GSE1: variants seen among roughly 807,000 people sequenced by gnomAD.
GSE1 encodes the protein genetic suppressor element 1.
In GSE1, 32 loss-of-function variants were observed where a neutral mutation model predicts 112.6. That is an observed-to-expected ratio of 0.28 (90% CI 0.21 to 0.38). The LOEUF (loss-of-function observed/expected upper bound fraction) is 0.38, where lower values mean the gene tolerates loss of function less well. GSE1 is among the 10% of genes least tolerant of loss of function. The probability of loss-of-function intolerance (pLI) is 1.00; values close to 1 mark genes in which losing one functional copy is unlikely to be tolerated. For synonymous variants in GSE1, 1,115 were observed against 735.6 expected (o/e 1.52, Z -8.35); for missense variants, 2,348 against 1,699.2 (o/e 1.38, Z -6.71).
chr16:85,338,882 G>A (rs542804209), intron 1 of GSE1, among the ~76,000 whole-genome samples: 9 of 152,330 alleles, frequency 5.9e-5, no homozygotes, highest in East Asian at 3.9e-4. Context: ...CGTTACTCTC[G>A]TGATACTGCT....
At chr16:85,294,610 C>CCTCTCTCTCTCTCTCT (rs1199580682) in intron 1 of GSE1, among the ~76,000 whole-genome samples, 8 of 83,134 alleles carry the variant, frequency 9.6e-5, no homozygotes, top group African/African-American at 4.1e-4. Flanking sequence ...TGCCAGCACG[C>CCTCTCTCTCTCTCTCT]CTCTCACTCT....
intron 2 of GSE1, among the ~76,000 whole-genome samples, chr16:85,513,782 C>T (rs945583574): frequency 6.6e-6 from 1 of 152,168 alleles, no homozygotes; most frequent in Non-Finnish European, 1.5e-5. Context: ...TGGAGCCCCC[C>T]ACCCCCGGTG....
upstream of GSE1, chr16:85,554,924 C>G (rs2045123232): frequency 1.0e-6 from 1 of 985,380 alleles, no homozygotes; most frequent in Non-Finnish European, 1.2e-6. Context: ...ACCCTGCCTT[C>G]GGCAGCGGCA....
intron 1 of GSE1, among the ~76,000 whole-genome samples, chr16:85,292,585 C>T (rs547046061): frequency 6.6e-6 from 1 of 152,144 alleles, no homozygotes; most frequent in African/African-American, 2.4e-5. Context: ...CCTCGGCCCC[C>T]CAAAGTGCTG....
chr16:85,665,975 G>C lies in GSE1; in HGVS notation c.2759-1G>C. 6.2e-7 allele frequency: 1 copy of C among 1,612,948 alleles called. No homozygotes were observed. The highest frequency in any genetic ancestry group is 2.2e-5 in the East Asian group (1 of 44,866). On this transcript the variant is annotated splice_acceptor_variant, in intron 12 of 15. Transcript: ENST00000253458. LOFTEE classifies it high-confidence loss of function. ...ATTTTCCTTCACTTTGTCTCTAAAA[G>C]AACCAGCCACGCAGCAAGCCTCTCT...
At chr16:85,649,553 G>A (rs1055142734) in intron 3 of GSE1, among the ~76,000 whole-genome samples, 6 of 152,160 alleles carry the variant, frequency 3.9e-5, no homozygotes, top group Admixed American at 3.3e-4. Flanking sequence ...CTGCCTGTGT[G>A]GAAGGAGCTG....
At chr16:85,401,293 A>C (rs977336990) in intron 2 of GSE1, among the ~76,000 whole-genome samples, 1 of 139,484 alleles carries the variant, frequency 7.2e-6, no homozygotes, top group African/African-American at 2.7e-5. Flanking sequence ...ATTTATAGAA[A>C]TGGAGCAGAA....
intron 1 of GSE1, among the ~76,000 whole-genome samples, chr16:85,621,080 A>C (rs1470913836): frequency 9.6e-6 from 1 of 103,916 alleles, no homozygotes; most frequent in East Asian, 2.9e-4. Flanking sequence ...TCAGCCCTGG[A>C]TCTCTGCACT....
In GSE1 at chr16:85,408,001, C is replaced by G. The variant is rs1425485531; in HGVS notation, c.2464+50358C>G. ...AATCCTCACTGTTACACTCAGGGCCCCCTGGATAATCCTCACTGTTACACT... is the reference window on the plus strand; with the variant it reads ...AATCCTCACTGTTACACTCAGGGCCGCCTGGATAATCCTCACTGTTACACT... On this transcript the variant is annotated intron_variant, in intron 2 of 2. Transcript: ENST00000637419. Among the ~76,000 whole-genome samples the G allele has an allele frequency of 1.1e-3, 63 of 57,408 alleles. 22 individuals carry two copies. The highest frequency in any genetic ancestry group is 2.1e-3 in the Non-Finnish European group (58 of 27,278). 37.7% of individuals were successfully genotyped at this position (57,408 alleles called of 152,430 possible). A position where few individuals can be genotyped will look rare whatever the true frequency, so the allele number is the denominator to read the frequency against.
chr16:85,345,453 C>T (rs2046714412), intron 1 of GSE1, among the ~76,000 whole-genome samples: 1 of 152,190 alleles, frequency 6.6e-6, no homozygotes, highest in African/African-American at 2.4e-5. Context: ...GCTGCTGCCT[C>T]TGGGCCATTG....
At chr16:85,403,007 AG>A (rs1229605524) in intron 2 of GSE1, among the ~76,000 whole-genome samples, 2 of 151,892 alleles carry the variant, frequency 1.3e-5, no homozygotes, top group Non-Finnish European at 2.9e-5. Flanking sequence ...GATCCAGCTT[AG>A]CCGGGCCTCC....
intron 1 of GSE1, among the ~76,000 whole-genome samples, chr16:85,614,460 C>T (rs1253574088): frequency 6.6e-6 from 1 of 152,186 alleles, no homozygotes; most frequent in Non-Finnish European, 1.5e-5. Flanking sequence ...ACCAGGGGGG[C>T]ACTTAGAAAT....
chr16:85,539,417 G>A (rs575826911), intron 2 of GSE1, among the ~76,000 whole-genome samples: 46 of 152,332 alleles, frequency 3.0e-4, no homozygotes, highest in Non-Finnish European at 5.9e-4. Flanking sequence ...CTTTAGCAGG[G>A]ACAAAAGCTG....
chr16:85,449,329 G>C (rs1442371145), intron 2 of GSE1, among the ~76,000 whole-genome samples: 1 of 152,178 alleles, frequency 6.6e-6, no homozygotes, highest in South Asian at 2.1e-4. Flanking sequence ...GGCCTGGAAG[G>C]GCCCAGAAAA....
chr16:85,434,307 C>G (rs1160582881), intron 2 of GSE1, among the ~76,000 whole-genome samples: 1 of 142,296 alleles, frequency 7.0e-6, no homozygotes, highest in East Asian at 2.1e-4. Flanking sequence ...GGATGGTGGT[C>G]TAATAATAAT....
rs1453354583 is a variant in GSE1, at chr16:85,654,788, C to T, written c.600-6C>T. Reference sequence around the variant, plus strand: ...TCCCCACCTTGCCCACTATCCCCGCCTGCAGCCTCCAGCGGCCCGTGCACC... The same window carrying T: ...TCCCCACCTTGCCCACTATCCCCGCTTGCAGCCTCCAGCGGCCCGTGCACC... On this transcript the variant is annotated splice_polypyrimidine_tract_variant and splice_region_variant and intron_variant, in intron 4 of 15. Transcript: ENST00000253458. 5.0e-6 allele frequency: 8 copies of T among 1,604,934 alleles called. No homozygotes were observed. Among genetic ancestry groups the T allele is most frequent in the Non-Finnish European group, 6.8e-6 (8 of 1,174,542 alleles).
chr16:85,482,572 C>T (rs946196668), intron 2 of GSE1, among the ~76,000 whole-genome samples: 8 of 152,176 alleles, frequency 5.3e-5, no homozygotes, highest in African/African-American at 9.7e-5. Context: ...ACGTGAGTGA[C>T]GTGGATGGGA....
At chr16:85,502,932 G>A (rs1022855008) in intron 2 of GSE1, among the ~76,000 whole-genome samples, 37 of 152,204 alleles carry the variant, frequency 2.4e-4, no homozygotes, top group Middle Eastern at 3.2e-3. Flanking sequence ...GACAGAATGC[G>A]TGGCGGGAGG....
intron 2 of GSE1, among the ~76,000 whole-genome samples, chr16:85,646,060 C>T (rs1031051703): frequency 3.5e-5 from 5 of 140,974 alleles, no homozygotes; most frequent in African/African-American, 1.4e-4. Context: ...TACCACGCTT[C>T]CTATGCATGC....
Sources: gnomAD v4.1 joint callset for allele counts (sites outside exome capture counted in the v4.1 genomes callset) on GRCh38, gnomAD v4.1.1 for gene constraint, MANE v1.5 for transcripts, NCBI Gene and HGNC (gene_info 2026-07-23, HGNC 2026-07-21) for gene names.